CFAP141: variants seen among roughly 807,000 people sequenced by gnomAD.
The protein encoded by CFAP141 is cilia and flagella associated protein 141, also known as cilia- and flagella-associated protein 141.
At chr1:154,203,309 G>A in the CFAP141 span, among the ~76,000 whole-genome samples, 6 of 143,626 alleles carry the variant, frequency 4.2e-5, no homozygotes, top group East Asian at 1.2e-3. Context: ...GCCCAGGCTG[G>A]AGTGCAGTGG....
the CFAP141 span, chr1:154,199,354 C>A: frequency 9.9e-7 from 1 of 1,006,922 alleles, no homozygotes; most frequent in Non-Finnish European, 1.5e-6. Context: ...GAAGGAGGTT[C>A]AAGGTGGTAG....
chr1:154,205,176 G>A, the CFAP141 span, among the ~76,000 whole-genome samples: 24 of 151,966 alleles, frequency 1.6e-4, no homozygotes, highest in African/African-American at 5.6e-4. Flanking sequence ...GAGCCACCGC[G>A]CCCGGCTGCA....
the CFAP141 span, chr1:154,205,527 G>C: frequency 1.4e-6 from 2 of 1,386,408 alleles, no homozygotes; most frequent in Non-Finnish European, 2.1e-6. Flanking sequence ...GAGTTGGGAG[G>C]TGGCTCAGGG....
the CFAP141 span, chr1:154,199,550 AGT>A: frequency 6.7e-7 from 1 of 1,502,408 alleles, no homozygotes; most frequent in South Asian, 1.2e-5. Context: ...GGCAGAATAG[AGT>A]GTGTTGTTTG....
chr1:154,203,074 T>C, the CFAP141 span, among the ~76,000 whole-genome samples: 19 of 146,064 alleles, frequency 1.3e-4, no homozygotes, highest in African/African-American at 4.8e-4. Context: ...TGAGCCGAGA[T>C]TGCACCACTG....
the CFAP141 span, among the ~76,000 whole-genome samples, chr1:154,200,209 G>A: frequency 1.5e-4 from 23 of 152,312 alleles, no homozygotes; most frequent in Non-Finnish European, 2.5e-4. Flanking sequence ...AAGATGAAAG[G>A]AGCAGGAACT....
At chr1:154,200,125 T>C in the CFAP141 span, among the ~76,000 whole-genome samples, 1 of 152,192 alleles carries the variant, frequency 6.6e-6, no homozygotes, top group Non-Finnish European at 1.5e-5. Flanking sequence ...TCTGCCCGTC[T>C]TGGCCCCCCA....
chr1:154,199,595 C>T, the CFAP141 span: 1 of 1,023,052 alleles, frequency 9.8e-7, no homozygotes. Flanking sequence ...ATTCTTTCTT[C>T]CTAGTTGTTT....
chr1:154,200,958 A>G, the CFAP141 span, among the ~76,000 whole-genome samples: 2 of 152,194 alleles, frequency 1.3e-5, no homozygotes, highest in South Asian at 2.1e-4. Context: ...TGCTGGGATT[A>G]TAGGTGTGAG....
At chr1:154,200,390 G>A in the CFAP141 span, 11 of 1,548,208 alleles carry the variant, frequency 7.1e-6, no homozygotes, top group Non-Finnish European at 9.7e-6. Context: ...CTAAGAGCTT[G>A]GAAAACTCAA....
chr1:154,200,375 A>G, the CFAP141 span: 26 of 1,418,568 alleles, frequency 1.8e-5, no homozygotes, highest in Non-Finnish European at 2.4e-5. Context: ...GTGCAATGAC[A>G]CACACTAAGA....
chr1:154,203,430 T>C, the CFAP141 span, among the ~76,000 whole-genome samples: 1 of 150,582 alleles, frequency 6.6e-6, no homozygotes, highest in Non-Finnish European at 1.5e-5. Context: ...CAGGTAACTT[T>C]TGCATATATA....
the CFAP141 span, chr1:154,200,411 C>G: frequency 1.6e-5 from 26 of 1,596,534 alleles, no homozygotes; most frequent in South Asian, 2.9e-4. Context: ...TGGGCAAAGG[C>G]ACACAGCAGT....
chr1:154,201,181 A>G, the CFAP141 span, among the ~76,000 whole-genome samples: 1 of 151,776 alleles, frequency 6.6e-6, no homozygotes, highest in Admixed American at 6.6e-5. Context: ...CCCAGGCTAG[A>G]GTGCAATGGT....
the CFAP141 span, among the ~76,000 whole-genome samples, chr1:154,200,106 C>A: frequency 1.3e-5 from 2 of 152,116 alleles, no homozygotes; most frequent in Non-Finnish European, 2.9e-5. Context: ...AACTCCTGGG[C>A]TCAAGCGATC....
At chr1:154,199,370 C>T in the CFAP141 span, 4 of 1,226,260 alleles carry the variant, frequency 3.3e-6, no homozygotes, top group Non-Finnish European at 3.5e-6. Flanking sequence ...GGTAGAGGTT[C>T]TAGAAGGCTA....
chr1:154,200,620 G>T, the CFAP141 span: 2 of 1,612,626 alleles, frequency 1.2e-6, no homozygotes, highest in South Asian at 2.2e-5. Context: ...GGGTTGAATG[G>T]GTGGGTTAGA....
At chr1:154,205,190 G>C in the CFAP141 span, among the ~76,000 whole-genome samples, 1 of 152,032 alleles carries the variant, frequency 6.6e-6, no homozygotes, top group Non-Finnish European at 1.5e-5. Context: ...GGCTGCATCA[G>C]TTTTTTCAAA....
chr1:154,205,782 G>T, the CFAP141 span: 1 of 675,852 alleles, frequency 1.5e-6, no homozygotes, highest in Non-Finnish European at 2.5e-6. Flanking sequence ...TCGGCTCACC[G>T]CAATCTCCGC....
Sources: allele counts gnomAD v4.1 joint callset (sites outside exome capture counted in the v4.1 genomes callset), GRCh38; gene constraint gnomAD v4.1.1; transcripts MANE v1.5; gene names NCBI Gene and HGNC (gene_info 2026-07-23, HGNC 2026-07-21).